Variants in FOCAD observed in about 807,000 individuals in gnomAD.
The protein encoded by FOCAD is KIAA1797.
In FOCAD, 198 loss-of-function variants were observed where a neutral mutation model predicts 225.6. The observed-to-expected ratio is 0.88, with a 90% CI of 0.78 to 0.99. FOCAD has a LOEUF of 0.99. FOCAD is among the 50% of genes least tolerant of loss of function. The pLI, the probability that FOCAD is intolerant of heterozygous loss-of-function variation, is 0.00. For missense variants in FOCAD, 2,713 were observed against 2,123.6 expected, an observed-to-expected ratio of 1.28 and a Z score of -5.46; for synonymous variants, 897 against 755.0, an observed-to-expected ratio of 1.19 and a Z score of -3.08.
At chr9:20,863,334 C>CT (rs1216758903) in intron 16 of FOCAD, 1 of 151,616 alleles carries the variant, frequency 6.6e-6, no homozygotes, top group East Asian at 1.9e-4. Flanking sequence ...TCTTGGTAAA[C>CT]TTCTAGTTTG....
intron 26 of FOCAD, chr9:20,927,692 C>G (rs980284017): frequency 6.6e-6 from 1 of 151,946 alleles, no homozygotes; most frequent in African/African-American, 2.4e-5. Flanking sequence ...TTGGTCCTAC[C>G]CTATTACTAT....
At chr9:20,797,705 A>G (rs972838515) in intron 11 of FOCAD, among the ~76,000 whole-genome samples, 8 of 152,132 alleles carry the variant, frequency 5.3e-5, no homozygotes, top group African/African-American at 1.9e-4. Context: ...TTGTACCCTG[A>G]GACTTTGCTG....
chr9:20,723,597 G>A (rs1345842859), intron 4 of FOCAD, among the ~76,000 whole-genome samples: 3 of 152,166 alleles, frequency 2.0e-5, no homozygotes, highest in African/African-American at 4.8e-5. Flanking sequence ...TATCCCCCCT[G>A]TGGAAGACAA....
Position 20,985,385 on chromosome 9 carries a change from T to C in FOCAD, c.4729-903T>C, listed in dbSNP as rs562912769. 3.9e-5 allele frequency among the ~76,000 whole-genome samples: 6 copies of C among 152,326 alleles called. No individual in the cohort carries two copies. In the East Asian group the frequency reaches 1.2e-3, roughly 29 times the overall value. ...ACATATTGGGAAGCTGCCAGGCTCA[T>C]AGAAGCAGAAACAAATTTTCCAAAA... On this transcript the variant is annotated intron_variant, in intron 39 of 43. Transcript: ENST00000338382.
At position 20,833,341 on chromosome 9, in the gene FOCAD, T is replaced by C. The variant is rs1825698218; in HGVS notation, c.1920+10226T>C. On this transcript the variant is annotated intron_variant, in intron 15 of 43. Coordinates refer to ENST00000338382, the MANE Select transcript of FOCAD (RefSeq NM_001375567.1). ...ATTATAATAAGGATGTTTGTCCTGGTATAAAAGCCACTAACATTTATATAA... is the reference window on the plus strand; with the variant it reads ...ATTATAATAAGGATGTTTGTCCTGGCATAAAAGCCACTAACATTTATATAA... 2.0e-5 allele frequency among the ~76,000 whole-genome samples: 3 copies of C among 152,098 alleles called. No homozygotes were observed. The South Asian group carries it at 6.2e-4, about 31-fold the overall frequency.
At chr9:20,753,261 G>A (rs937460534) in intron 5 of FOCAD, among the ~76,000 whole-genome samples, 6 of 151,436 alleles carry the variant, frequency 4.0e-5, no homozygotes, top group African/African-American at 1.5e-4. Context: ...AATGCTTCCA[G>A]TTTTTGCCCA....
intron 18 of FOCAD, among the ~76,000 whole-genome samples, chr9:20,872,438 G>A (rs1829864479): frequency 6.6e-6 from 1 of 151,906 alleles, no homozygotes; most frequent in East Asian, 1.9e-4. Flanking sequence ...GACATAGTTT[G>A]CACAGCACTT....
intron 4 of FOCAD, chr9:20,726,198 G>C (rs1826182219): frequency 6.6e-6 from 1 of 152,166 alleles, no homozygotes; most frequent in African/African-American, 2.4e-5. Flanking sequence ...TACATTGACT[G>C]TATCCTGGAA....
At chr9:20,930,943 C>T (rs1370837400) in intron 27 of FOCAD, among the ~76,000 whole-genome samples, 1 of 152,164 alleles carries the variant, frequency 6.6e-6, no homozygotes, top group Non-Finnish European at 1.5e-5. Flanking sequence ...AAATGACAGT[C>T]TCTCCACCAT....
chr9:20,971,856 T>G (rs781316961), intron 35 of FOCAD, among the ~76,000 whole-genome samples: 13 of 152,266 alleles, frequency 8.5e-5, no homozygotes, highest in East Asian at 7.7e-4. Flanking sequence ...TCATACATTT[T>G]TGTGTGTGTG....
intron 20 of FOCAD, among the ~76,000 whole-genome samples, chr9:20,884,341 C>G (rs1355788945): frequency 6.6e-6 from 1 of 152,044 alleles, no homozygotes. Context: ...CTTGGTTGCC[C>G]AGGCTGGAGT....
chr9:20,834,786 A>G (rs1223861331), intron 15 of FOCAD, among the ~76,000 whole-genome samples: 1 of 152,078 alleles, frequency 6.6e-6, no homozygotes, highest in African/African-American at 2.4e-5. Context: ...ATCCAGTATA[A>G]TAGCTGTTAG....
intron 33 of FOCAD, 42 bp from the exon 34 acceptor site, chr9:20,950,954 G>A (rs184327853): frequency 6.5e-7 from 1 of 1,535,318 alleles, no homozygotes; most frequent in Admixed American, 1.7e-5. Context: ...AATGGAACTT[G>A]GATCTTATCC....
At chr9:20,898,993 G>C (rs138257507) in intron 21 of FOCAD, among the ~76,000 whole-genome samples, 38 of 151,890 alleles carry the variant, frequency 2.5e-4, no homozygotes, top group Middle Eastern at 3.4e-3. Context: ...GGATAGGATG[G>C]CTAGAATGGG....
chr9:20,952,615 G>A (rs1837785719), intron 34 of FOCAD: 3 of 266,714 alleles, frequency 1.1e-5, no homozygotes, highest in African/African-American at 2.3e-5. Context: ...TGGTCTCAGC[G>A]TTGAAGCTCG....
chr9:20,779,964 G>T (rs1819206190), intron 9 of FOCAD, among the ~76,000 whole-genome samples: 1 of 152,148 alleles, frequency 6.6e-6, no homozygotes, highest in South Asian at 2.1e-4. Flanking sequence ...TCCCTCCACA[G>T]TCTGATCCGG....
At chr9:20,916,466 A>C (rs1015230350) in intron 23 of FOCAD, among the ~76,000 whole-genome samples, 1 of 152,208 alleles carries the variant, frequency 6.6e-6, no homozygotes, top group Non-Finnish European at 1.5e-5. Flanking sequence ...CTCATGTAAA[A>C]AAGAGAGACT....
At position 20,923,746 on chromosome 9, in the gene FOCAD, C is replaced by T. The variant is rs987973571; in HGVS notation, c.2939C>T (p.Ser980Leu). 1.9e-6 allele frequency: 3 copies of T among 1,613,838 alleles called. No individual in the cohort carries two copies. Among genetic ancestry groups the T allele is most frequent in the Non-Finnish European group, 2.5e-6 (3 of 1,179,818 alleles). ...TCTAGACATGAAGCCAGCCTCTCCTCAGACTCTGACGGGCTCCTGGAGGTT... is the reference window on the plus strand; with the variant it reads ...TCTAGACATGAAGCCAGCCTCTCCTTAGACTCTGACGGGCTCCTGGAGGTT... ...VVSRHEASLS[S>L]DSDGLLEVQP... Residue 980 changes from serine (S) to leucine (L), a missense_variant, in exon 25 of 44, where the codon TCA (serine) becomes TTA (leucine). Transcript: ENST00000338382.
At chr9:20,752,352 G>C (rs1437796484) in intron 5 of FOCAD, among the ~76,000 whole-genome samples, 2 of 151,070 alleles carry the variant, frequency 1.3e-5, no homozygotes, top group African/African-American at 4.9e-5. Flanking sequence ...GTAAGGAAGG[G>C]ATCCAGTTTC....
Sources: gnomAD v4.1 joint callset for allele counts (sites outside exome capture counted in the v4.1 genomes callset) on GRCh38, gnomAD v4.1.1 for gene constraint, MANE v1.5 for transcripts, NCBI Gene and HGNC (gene_info 2026-07-23, HGNC 2026-07-21) for gene names.